Variants in IQGAP1 observed in about 807,000 individuals in gnomAD.
IQGAP1 encodes IQ motif containing GTPase activating protein 1, also known as ras GTPase-activating-like protein IQGAP1.
IQGAP1 carries 66 observed loss-of-function variants against 215.6 expected under a neutral mutation model. The ratio of observed to expected loss-of-function variants is 0.31; its 90% CI spans 0.25 to 0.38. The LOEUF (loss-of-function observed/expected upper bound fraction) is 0.38, where lower values mean the gene tolerates loss of function less well. IQGAP1 is among the 10% of genes least tolerant of loss of function. The pLI is 1.00. For missense variants in IQGAP1, 1,712 were observed against 1,997.1 expected, an observed-to-expected ratio of 0.86 and a Z score of 2.72; for synonymous variants, 772 against 728.7, an observed-to-expected ratio of 1.06 and a Z score of -0.96.
At chr15:90,473,608 TTCA>T in intron 19 of IQGAP1, 104 bp from the exon 20 acceptor site, 2 of 765,600 alleles carry the variant, frequency 2.6e-6, no homozygotes, top group Non-Finnish European at 4.4e-6. Context: ...TTCCTAAAAC[TTCA>T]TCATGAAATT....
chr15:90,408,341 T>C (rs1235535849), intron 2 of IQGAP1, among the ~76,000 whole-genome samples: 1 of 152,168 alleles, frequency 6.6e-6, no homozygotes, highest in Non-Finnish European at 1.5e-5. Flanking sequence ...TTTTATTATT[T>C]GGTTATAATT....
In IQGAP1 at chr15:90,448,657, T is replaced by C; in HGVS notation, c.998T>C (p.Leu333Pro). 6.2e-7 allele frequency: 1 copy of C among 1,612,406 alleles called. No individual in the cohort carries two copies. Among genetic ancestry groups the C allele is most frequent in the Non-Finnish European group, 8.5e-7 (1 of 1,179,234 alleles). The part of the protein sequence containing the change: ...ALFRALQSPA[L>P]GLRGLQQQNS... ...TTCAGGGCTCTGCAGTCACCAGCCCTGGGGCTTCGAGGACTGCAGCAACAG... is the reference window on the plus strand; with the variant it reads ...TTCAGGGCTCTGCAGTCACCAGCCCCGGGGCTTCGAGGACTGCAGCAACAG... The change falls in exon 10 of 38, where the codon CTG becomes CCG. Residue 333 changes from leucine to proline, a missense_variant. By Grantham distance (98) the Leu-to-Pro change is moderately conservative (BLOSUM62 -3). This residue lies in a region of IQGAP1 where 1,021 missense variants were observed against 1,074.2 expected (regional missense o/e 0.95). Coordinates refer to ENST00000268182, the MANE Select transcript of IQGAP1 (RefSeq NM_003870.4).
At chr15:90,449,003 C>G (rs1268558581) in intron 10 of IQGAP1, among the ~76,000 whole-genome samples, 1 of 152,292 alleles carries the variant, frequency 6.6e-6, no homozygotes, top group African/African-American at 2.4e-5. Flanking sequence ...TCAGCTGTCT[C>G]TCTCTCCAAC....
rs761198937 is a variant in IQGAP1 at position 90,456,296 on chromosome 15, C to G, written c.1757C>G (p.Ala586Gly). 4 of 1,613,878 alleles carry G rather than the reference C, an allele frequency of 2.5e-6. No individual in the cohort carries two copies. Among genetic ancestry groups the G allele is most frequent in the Non-Finnish European group, 3.4e-6 (4 of 1,179,884 alleles). ...AQHYQDTLIR[A>G]KREKAQEIQD... ...CATTACCAAGACACGCTGATTAGAGCGAAGAGAGAGAAAGCCCAGGTGAGT... is the reference window on the plus strand; with the variant it reads ...CATTACCAAGACACGCTGATTAGAGGGAAGAGAGAGAAAGCCCAGGTGAGT... Residue 586 changes from alanine (A) to glycine (G), a missense_variant, in exon 15 of 38, where the codon GCG (alanine) becomes GGG (glycine). This residue lies in a region of IQGAP1 where 1,021 missense variants were observed against 1,074.2 expected (regional missense o/e 0.95). Transcript: ENST00000268182.
intron 2 of IQGAP1, among the ~76,000 whole-genome samples, chr15:90,415,161 A>G (rs756113444): frequency 6.6e-6 from 1 of 152,106 alleles, no homozygotes; most frequent in Non-Finnish European, 1.5e-5. Context: ...TTTACTTTGT[A>G]TTTCTTTGGT....
chr15:90,416,658 G>A (rs374177451), intron 2 of IQGAP1, among the ~76,000 whole-genome samples: 42 of 151,482 alleles, frequency 2.8e-4, no homozygotes, highest in African/African-American at 9.9e-4. Context: ...GCTCACTGCA[G>A]GCTTCACCTC....
At chr15:90,474,870 T>C (rs1192786913) in intron 23 of IQGAP1, 177 bp downstream of exon 23, 1 of 592,040 alleles carries the variant, frequency 1.7e-6, no homozygotes, top group Non-Finnish European at 3.0e-6. Context: ...TGTAGTGCGA[T>C]GTGATCTCAG....
At chr15:90,435,747 A>G (rs571263167) in intron 5 of IQGAP1, among the ~76,000 whole-genome samples, 1 of 152,348 alleles carries the variant, frequency 6.6e-6, no homozygotes, top group East Asian at 1.9e-4. Context: ...TGGTAGAGTC[A>G]GAATGAGAAA....
chr15:90,421,986 G>C (rs1030302137), intron 2 of IQGAP1, among the ~76,000 whole-genome samples: 1 of 152,152 alleles, frequency 6.6e-6, no homozygotes, highest in African/African-American at 2.4e-5. Context: ...TATAAGAAAG[G>C]TTTTGTGTCT....
intron 26 of IQGAP1, among the ~76,000 whole-genome samples, chr15:90,478,774 T>C (rs781546500): frequency 2.0e-5 from 3 of 152,312 alleles, no homozygotes; most frequent in Non-Finnish European, 4.4e-5. Context: ...ATGAGAAGGT[T>C]CATATAGATT....
chr15:90,476,719 T>C lies in IQGAP1; in HGVS notation c.2841T>C (p.Asp947=), dbSNP rs1567139054. ...LTKKNKEQLS[D]MMMINKQKGG... is the part of the protein sequence containing the mutation. ...AAAAAAATAAGGAACAGTTGTCTGATATGATGATGATAAATAAACAGAAGG... is the reference window on the plus strand; with the variant it reads ...AAAAAAATAAGGAACAGTTGTCTGACATGATGATGATAAATAAACAGAAGG... Residue 947 remains aspartate (D), a synonymous_variant, in exon 24 of 38, where the codon GAT becomes GAC. Coordinates refer to ENST00000268182, the MANE Select transcript of IQGAP1 (RefSeq NM_003870.4). 2 of 1,604,534 alleles carry C rather than the reference T, an allele frequency of 1.2e-6. No individual in the cohort carries two copies. The highest frequency in any genetic ancestry group is 1.7e-4 in the Middle Eastern group (1 of 6,034).
intron 3 of IQGAP1, among the ~76,000 whole-genome samples, chr15:90,428,811 A>T (rs182097885): frequency 6.6e-6 from 1 of 152,192 alleles, no homozygotes; most frequent in East Asian, 1.9e-4. Context: ...AAAAGCAGAC[A>T]TTGAAGTTTA....
chr15:90,483,576 G>C lies in IQGAP1; in HGVS notation c.3771G>C (p.Gln1257His). The C allele has an allele frequency of 6.2e-7, 1 of 1,610,870 alleles. No homozygotes were observed. The highest frequency in any genetic ancestry group is 1.1e-5 in the South Asian group (1 of 91,046). ...GCATCATTAATGAATATCTTTCCCA[G>C]TCCTACCAGAAATTCAGGTAAGGGG... ...HLSIINEYLS[Q>H]SYQKFRRFFQ... is the part of the protein sequence containing the mutation. The change falls in exon 29 of 38, where the codon CAG (glutamine) becomes CAC (histidine). Residue 1257 changes from glutamine to histidine, a missense_variant. By Grantham distance (24) the Gln-to-His change is conservative (BLOSUM62 0). Transcript: ENST00000268182.
chr15:90,475,978 C>T (rs1476659661), intron 23 of IQGAP1, among the ~76,000 whole-genome samples: 4 of 151,876 alleles, frequency 2.6e-5, no homozygotes, highest in Non-Finnish European at 4.4e-5. Context: ...CTCTGTACCC[C>T]AGGCTGGAGT....
At chr15:90,473,057 G>A in intron 19 of IQGAP1, 47 bp downstream of exon 19, 1 of 1,570,894 alleles carries the variant, frequency 6.4e-7, no homozygotes, top group Non-Finnish European at 8.7e-7. Flanking sequence ...ATCTAGAGCA[G>A]GGGTAATAAA....
chr15:90,451,654 G>A (rs1042222125), intron 11 of IQGAP1, among the ~76,000 whole-genome samples: 1 of 151,800 alleles, frequency 6.6e-6, no homozygotes, highest in Admixed American at 6.6e-5. Flanking sequence ...TTAGGGTGAT[G>A]TCAGGTATCA....
At chr15:90,477,578 T>A in intron 25 of IQGAP1, 87 bp from the exon 26 acceptor site, 1 of 961,722 alleles carries the variant, frequency 1.0e-6, no homozygotes, top group Non-Finnish European at 1.6e-6. Flanking sequence ...AGAAACTGTT[T>A]CAGGGAGATA....
At chr15:90,490,604 A>C (rs559089952) in intron 33 of IQGAP1, among the ~76,000 whole-genome samples, 1 of 152,342 alleles carries the variant, frequency 6.6e-6, no homozygotes, top group South Asian at 2.1e-4. Flanking sequence ...ATTAGCAAGG[A>C]TTTACTAAGC....
intron 2 of IQGAP1, among the ~76,000 whole-genome samples, chr15:90,406,177 A>T (rs1054984252): frequency 6.6e-6 from 1 of 152,256 alleles, no homozygotes; most frequent in African/African-American, 2.4e-5. Flanking sequence ...ATTCCAGAGC[A>T]CATTGTCAGA....
Sources: allele counts gnomAD v4.1 joint callset (sites outside exome capture counted in the v4.1 genomes callset), GRCh38; gene constraint gnomAD v4.1.1; regional missense constraint gnomAD v4.1.1; transcripts MANE v1.5; gene names NCBI Gene and HGNC (gene_info 2026-07-23, HGNC 2026-07-21).